Variants in ERBIN observed in about 807,000 individuals in gnomAD.
The protein encoded by ERBIN is erbb2 interacting protein.
ERBIN carries 60 observed loss-of-function variants against 158.4 expected under a neutral mutation model. That is an observed-to-expected ratio of 0.38 (90% confidence interval 0.31 to 0.47). The LOEUF (loss-of-function observed/expected upper bound fraction) is 0.47, where lower values mean the gene tolerates loss of function less well. Ranked by LOEUF, ERBIN falls within the 20% of genes least tolerant of loss-of-function variation. The pLI, the probability that ERBIN is intolerant of heterozygous loss-of-function variation, is 0.99. For synonymous variants in ERBIN, 594 were observed against 557.2 expected, an observed-to-expected ratio of 1.07 and a Z score of -0.93; for missense variants, 1,610 against 1,648.0, an observed-to-expected ratio of 0.98 and a Z score of 0.40.
intron 15 of ERBIN, among the ~76,000 whole-genome samples, chr5:66,039,611 A>G (rs1757743149): frequency 6.6e-6 from 1 of 152,018 alleles, no homozygotes; most frequent in African/African-American, 2.4e-5. Context: ...TTGCACTTCT[A>G]TTTTTAACTT....
At chr5:66,022,002 CTGAG>C (rs1389432161) in intron 8 of ERBIN, among the ~76,000 whole-genome samples, 5 of 151,490 alleles carry the variant, frequency 3.3e-5, no homozygotes, top group Non-Finnish European at 2.9e-5. Context: ...ACTCATCCAG[CTGAG>C]TATCATTATT....
intron 7 of ERBIN, among the ~76,000 whole-genome samples, chr5:66,016,969 C>G (rs1455662387): frequency 1.3e-5 from 2 of 152,108 alleles, no homozygotes; most frequent in East Asian, 3.9e-4. Context: ...ATTTATCTGT[C>G]TCTGCTTGGC....
At chr5:66,018,879 C>G (rs997213282) in intron 7 of ERBIN, among the ~76,000 whole-genome samples, 1 of 151,738 alleles carries the variant, frequency 6.6e-6, no homozygotes, top group Admixed American at 6.6e-5. Flanking sequence ...TCATGATGCG[C>G]CTGCCTTGGC....
At position 66,038,378 on chromosome 5, in the gene ERBIN, T is replaced by C. The variant is rs779291309; in HGVS notation, c.1207-5T>C. ...GAAAATTAAGCATTTATTTTCCTTCTCTAGTCCAAACCCCTGATACCTCTT... is the reference window on the plus strand; with the variant it reads ...GAAAATTAAGCATTTATTTTCCTTCCCTAGTCCAAACCCCTGATACCTCTT... On this transcript the variant is annotated splice_region_variant and splice_polypyrimidine_tract_variant and intron_variant, in intron 14 of 25. Coordinates refer to ENST00000284037, the MANE Select transcript of ERBIN (RefSeq NM_001253697.2). The C allele has an allele frequency of 4.4e-6, 7 of 1,597,552 alleles. No homozygotes were observed. The Admixed American group carries it at 5.2e-5, about 12-fold the overall frequency.
At chr5:66,018,351 TTA>T (rs1270933963) in intron 7 of ERBIN, among the ~76,000 whole-genome samples, 1 of 136,562 alleles carries the variant, frequency 7.3e-6, no homozygotes, top group African/African-American at 2.6e-5. Flanking sequence ...CATCAGAGTT[TTA>T]TAGTTTTTCT....
At chr5:66,015,605 C>T (rs1580354168) in intron 7 of ERBIN, among the ~76,000 whole-genome samples, 1 of 152,056 alleles carries the variant, frequency 6.6e-6, no homozygotes, top group Non-Finnish European at 1.5e-5. Context: ...TTTGCCAACT[C>T]ATGTTGAAAT....
intron 20 of ERBIN, 151 bp downstream of exon 20, chr5:66,051,117 C>T: frequency 1.9e-6 from 1 of 519,596 alleles, no homozygotes; most frequent in South Asian, 3.3e-5. Context: ...GCTGATTTTC[C>T]ATTTAGTTTT....
chr5:65,994,880 C>T lies in ERBIN; in HGVS notation c.307+16C>T, dbSNP rs981749002. On this transcript the variant is annotated intron_variant, in intron 4 of 25. Coordinates refer to ENST00000284037, the MANE Select transcript of ERBIN (RefSeq NM_001253697.2). ...AGCAAGAATGGTAAGGCTTTTTTTG[C>T]CCATAATTTTTTGTACTTGGGAACA... 8 of 1,508,844 alleles carry T rather than the reference C, an allele frequency of 5.3e-6. No homozygotes were observed. Among genetic ancestry groups the T allele is most frequent in the Non-Finnish European group, 7.3e-6 (8 of 1,102,026 alleles). 93.5% of individuals were successfully genotyped at this position (1,508,844 alleles called of 1,614,324 possible).
At chr5:65,932,567 T>C (rs1010054777) in intron 1 of ERBIN, among the ~76,000 whole-genome samples, 1 of 152,194 alleles carries the variant, frequency 6.6e-6, no homozygotes, top group Non-Finnish European at 1.5e-5. Flanking sequence ...TTCCAGAGAC[T>C]GTGGACTTCC....
chr5:66,012,506 T>C (rs1398973132), intron 5 of ERBIN, among the ~76,000 whole-genome samples: 1 of 152,062 alleles, frequency 6.6e-6, no homozygotes, highest in Non-Finnish European at 1.5e-5. Context: ...CTTCACAGTT[T>C]TAACAGAAGG....
At chr5:65,949,724 TA>T (rs1186250226) in intron 1 of ERBIN, among the ~76,000 whole-genome samples, 1 of 152,230 alleles carries the variant, frequency 6.6e-6, no homozygotes, top group African/African-American at 2.4e-5. Context: ...AAAATACTAT[TA>T]ATTAAACTAC....
chr5:65,942,031 C>T (rs1049047172), intron 1 of ERBIN, among the ~76,000 whole-genome samples: 3 of 151,976 alleles, frequency 2.0e-5, no homozygotes, highest in East Asian at 1.9e-4. Context: ...TGAGCCACTG[C>T]GTCTGGCCCT....
At chr5:66,017,370 G>T (rs1250077592) in intron 7 of ERBIN, among the ~76,000 whole-genome samples, 1 of 151,964 alleles carries the variant, frequency 6.6e-6, no homozygotes, top group Non-Finnish European at 1.5e-5. Flanking sequence ...TGTCTTTTTT[G>T]ATATAAGCCA....
chr5:66,065,577 A>G (rs1332351701), intron 21 of ERBIN, among the ~76,000 whole-genome samples: 4 of 144,920 alleles, frequency 2.8e-5, no homozygotes, highest in Non-Finnish European at 6.0e-5. Context: ...AGAGATTTTC[A>G]GATTAATTTT....
At chr5:66,015,216 AAG>A (rs543188442) in intron 7 of ERBIN, among the ~76,000 whole-genome samples, 1 of 152,338 alleles carries the variant, frequency 6.6e-6, no homozygotes, top group African/African-American at 2.4e-5. Context: ...AGCAAAAAAA[AAG>A]ATTTAATTAT....
intron 1 of ERBIN, among the ~76,000 whole-genome samples, chr5:65,966,720 A>G (rs1748675979): frequency 6.7e-6 from 1 of 149,156 alleles, no homozygotes; most frequent in Admixed American, 6.7e-5. Flanking sequence ...GGTAACTGTA[A>G]ATCATTCCAT....
At chr5:66,022,069 A>G (rs1294942624) in intron 8 of ERBIN, among the ~76,000 whole-genome samples, 3 of 152,096 alleles carry the variant, frequency 2.0e-5, no homozygotes, top group African/African-American at 2.4e-5. Context: ...GTAGCTCTCA[A>G]ATGATGGTTT....
chr5:66,064,717 A>G (rs889077167), intron 21 of ERBIN, among the ~76,000 whole-genome samples: 1 of 152,186 alleles, frequency 6.6e-6, no homozygotes, highest in Admixed American at 6.5e-5. Context: ...AATGAGAGAT[A>G]CTTGAGCTGG....
intron 13 of ERBIN, among the ~76,000 whole-genome samples, chr5:66,027,542 C>G (rs986446208): frequency 2.0e-5 from 3 of 152,002 alleles, no homozygotes; most frequent in African/African-American, 2.4e-5. Flanking sequence ...TGTGTCAGTA[C>G]TGAACGTGTA....
Sources: allele counts gnomAD v4.1 joint callset (sites outside exome capture counted in the v4.1 genomes callset), GRCh38; gene constraint gnomAD v4.1.1; transcripts MANE v1.5; gene names NCBI Gene and HGNC (gene_info 2026-07-23, HGNC 2026-07-21).